Variants in SDC2 observed in about 807,000 individuals in gnomAD.
The protein encoded by SDC2 is syndecan 2, also known as syndecan-2.
A neutral mutation model predicts 22.2 loss-of-function variants in SDC2; 13 were observed. The observed-to-expected ratio is 0.59, with a 90% CI of 0.38 to 0.93. The LOEUF is 0.93. Ranked by LOEUF, SDC2 falls within the 40% of genes least tolerant of loss-of-function variation. SDC2 has a pLI of 0.00. For missense variants in SDC2, 235 were observed against 246.8 expected, an observed-to-expected ratio of 0.95 and a Z score of 0.32; for synonymous variants, 94 against 92.8, an observed-to-expected ratio of 1.01 and a Z score of -0.07.
intron 1 of SDC2, among the ~76,000 whole-genome samples, chr8:96,540,893 G>A (rs904955036): frequency 6.6e-6 from 1 of 152,112 alleles, no homozygotes; most frequent in Non-Finnish European, 1.5e-5. Flanking sequence ...TTCTTTTTGA[G>A]TGGTAGGAAA....
At chr8:96,559,198 A>G (rs1814168590) in intron 1 of SDC2, among the ~76,000 whole-genome samples, 3 of 152,186 alleles carry the variant, frequency 2.0e-5, no homozygotes, top group African/African-American at 7.2e-5. Context: ...GGGTGTGATG[A>G]CATGAGACAA....
rs114528712 is a variant in SDC2, at chr8:96,557,967, A to G, written c.61-35513A>G. On this transcript the variant is annotated intron_variant, in intron 1 of 4. Coordinates refer to ENST00000302190, the MANE Select transcript of SDC2 (RefSeq NM_002998.4). Reference sequence around the variant, plus strand: ...AGTGCGTTAAACTTATCCTGAGGATAGATGTTAGGGTGTGTCTAACCCATG... The same window carrying G: ...AGTGCGTTAAACTTATCCTGAGGATGGATGTTAGGGTGTGTCTAACCCATG... 5.7e-3 allele frequency among the ~76,000 whole-genome samples: 871 copies of G among 152,308 alleles called. 5 individuals are homozygous for G. Among genetic ancestry groups the G allele is most frequent in the African/African-American group, 0.019 (774 of 41,574 alleles).
intron 1 of SDC2, chr8:96,529,360 T>C (rs953036968): frequency 3.9e-5 from 6 of 152,220 alleles, no homozygotes; most frequent in African/African-American, 1.4e-4. Flanking sequence ...TTTTATTTGC[T>C]TATTTATAAT....
chr8:96,514,070 T>C (rs1813367617), intron 1 of SDC2, among the ~76,000 whole-genome samples: 1 of 152,242 alleles, frequency 6.6e-6, no homozygotes, highest in Non-Finnish European at 1.5e-5. Flanking sequence ...TTGTTGCCTA[T>C]AGTTGAAGGA....
intron 1 of SDC2, among the ~76,000 whole-genome samples, chr8:96,505,800 A>G (rs934111352): frequency 2.0e-5 from 3 of 152,254 alleles, no homozygotes; most frequent in Non-Finnish European, 4.4e-5. Context: ...AACAATGGAC[A>G]CACGTTACTA....
chr8:96,575,039 T>C (rs1814463532), intron 1 of SDC2, among the ~76,000 whole-genome samples: 1 of 152,192 alleles, frequency 6.6e-6, no homozygotes, highest in Admixed American at 6.5e-5. Flanking sequence ...GCCACTGATC[T>C]GACAGGAGGC....
At chr8:96,553,465 CTTTT>C (rs1814058934) in intron 1 of SDC2, among the ~76,000 whole-genome samples, 2 of 113,224 alleles carry the variant, frequency 1.8e-5, no homozygotes, top group Non-Finnish European at 3.9e-5. Context: ...TTTTTTTTTT[CTTTT>C]AAGTCCACAA....
intron 3 of SDC2, among the ~76,000 whole-genome samples, chr8:96,603,005 T>C (rs1815019133): frequency 6.6e-6 from 1 of 152,188 alleles, no homozygotes; most frequent in Admixed American, 6.5e-5. Context: ...TTGACCTCTC[T>C]CGATGATGAT....
intron 1 of SDC2, among the ~76,000 whole-genome samples, chr8:96,570,616 G>A (rs1053143918): frequency 1.3e-5 from 2 of 152,146 alleles, no homozygotes; most frequent in African/African-American, 4.8e-5. Context: ...TAGCCACGAG[G>A]TGCATGTGTC....
chr8:96,508,790 C>T lies in SDC2; in HGVS notation c.60+14459C>T, dbSNP rs140460445. On this transcript the variant is annotated intron_variant, in intron 1 of 4. Coordinates refer to ENST00000302190, the MANE Select transcript of SDC2 (RefSeq NM_002998.4). ...GTTTTTCTAGCTTTAAATAGTCTTT[C>T]TATGATACTGTAATCTTTCAAGAGA... Among the ~76,000 whole-genome samples the T allele has an allele frequency of 1.4e-5, 2 of 141,962 alleles. 1 individual carries two copies. The highest frequency in any genetic ancestry group is 4.5e-4 in the South Asian group (2 of 4,470). 93.1% of individuals were successfully genotyped at this position (141,962 alleles called of 152,430 possible). A position where few individuals can be genotyped will look rare whatever the true frequency, so the allele number is the denominator to read the frequency against.
At chr8:96,494,427 C>G in intron 1 of SDC2, 96 bp downstream of exon 1, 1 of 1,204,154 alleles carries the variant, frequency 8.3e-7, no homozygotes, top group African/African-American at 1.5e-5. Flanking sequence ...CTGGGGAACC[C>G]CCAGTCCCCA....
intron 1 of SDC2, among the ~76,000 whole-genome samples, chr8:96,536,306 CTTTTATTTTA>C (rs201449566): frequency 4.0e-5 from 6 of 151,884 alleles, no homozygotes; most frequent in East Asian, 1.9e-4. Context: ...CTTGAGTACC[CTTTTATTTTA>C]TTTTATTTTA....
intron 1 of SDC2, among the ~76,000 whole-genome samples, chr8:96,583,759 G>GA (rs57029385): frequency 6.6e-6 from 1 of 150,450 alleles, no homozygotes; most frequent in South Asian, 2.1e-4. Flanking sequence ...TGTAATATTA[G>GA]AAAAAAATTA....
chr8:96,593,503 A>G lies in SDC2; in HGVS notation c.84A>G (p.Lys28=), dbSNP rs766093366. 2.5e-6 allele frequency: 4 copies of G among 1,613,578 alleles called. No individual in the cohort carries two copies. The South Asian group carries it at 4.4e-5, about 18-fold the overall frequency. The change falls in exon 2 of 5, where the codon AAA becomes AAG. Residue 28 remains lysine, a synonymous_variant. Coordinates refer to ENST00000302190, the MANE Select transcript of SDC2 (RefSeq NM_002998.4). ...AESRAELTSD[K]DMYLDNSSIE... ...AGAGAGCAGAGCTGACATCTGATAAAGACATGTACCTTGACAACAGCTCCA... is the reference window on the plus strand; with the variant it reads ...AGAGAGCAGAGCTGACATCTGATAAGGACATGTACCTTGACAACAGCTCCA...
rs139905128 is a variant in SDC2, at chr8:96,569,961, G to C, written c.61-23519G>C. On this transcript the variant is annotated intron_variant, in intron 1 of 4. Coordinates refer to ENST00000302190, the MANE Select transcript of SDC2 (RefSeq NM_002998.4). ...TAGATGGACTACAGGAAGGGGAGTC[G>C]CTTGAAGCAGTCCAGAGTCACCTCT... Among the ~76,000 whole-genome samples the C allele has an allele frequency of 1.2e-3, 187 of 152,276 alleles. 3 individuals carry two copies. Among genetic ancestry groups the C allele is most frequent in the Non-Finnish European group, 3.2e-4 (22 of 68,010 alleles).
In SDC2 at chr8:96,609,281, A is replaced by G; in HGVS notation, c.443-104A>G. The G allele has an allele frequency of 3.2e-6, 3 of 942,286 alleles. No individual in the cohort carries two copies. In the East Asian group the frequency reaches 8.3e-5, roughly 26 times the overall value. The allele number at this position is 942,286 out of a possible 1,614,324, so 58.4% of individuals were successfully genotyped here. ...GCTTTTTTTTTATTGGGGTTTTCAA[A>G]TTAAGCCTTTTATAAAAGTGTAAGT... is the stretch of plus-strand genomic sequence containing the variant. On this transcript the variant is annotated intron_variant, in intron 4 of 4. Transcript: ENST00000302190.
At chr8:96,597,919 A>G (rs1196999661) in intron 2 of SDC2, among the ~76,000 whole-genome samples, 1 of 152,222 alleles carries the variant, frequency 6.6e-6, no homozygotes, top group Non-Finnish European at 1.5e-5. Context: ...AAATTCATAC[A>G]TGCAAATGTA....
At chr8:96,585,533 A>G (rs1197756398) in intron 1 of SDC2, among the ~76,000 whole-genome samples, 3 of 152,152 alleles carry the variant, frequency 2.0e-5, no homozygotes, top group Non-Finnish European at 4.4e-5. Flanking sequence ...AGAAATGAGA[A>G]GGATGGGGGC....
At chr8:96,588,837 A>T (rs548147068) in intron 1 of SDC2, among the ~76,000 whole-genome samples, 1 of 152,368 alleles carries the variant, frequency 6.6e-6, no homozygotes, top group East Asian at 1.9e-4. Context: ...TCTGCTTAGT[A>T]GGTAAGGCGT....
Sources: allele counts gnomAD v4.1 joint callset (sites outside exome capture counted in the v4.1 genomes callset), GRCh38; gene constraint gnomAD v4.1.1; transcripts MANE v1.5; gene names NCBI Gene and HGNC (gene_info 2026-07-23, HGNC 2026-07-21).